The following RAD54B variants were observed in gnomAD, a reference collection of about 807,000 sequenced individuals.
RAD54B encodes the protein DNA repair and recombination protein RAD54B.
A neutral mutation model predicts 95.8 loss-of-function variants in RAD54B; 78 were observed. That is an observed-to-expected ratio of 0.81 (90% confidence interval 0.68 to 0.98). The LOEUF (loss-of-function observed/expected upper bound fraction) is 0.98. Among genes scored for constraint, RAD54B ranks in the 50% least tolerant of loss-of-function variants. The probability of loss-of-function intolerance (pLI) is 0.00; values close to 1 mark genes in which losing one functional copy is unlikely to be tolerated. For missense variants in RAD54B, 957 were observed against 1,056.6 expected (o/e 0.91, Z 1.31); for synonymous variants, 328 against 354.9 (o/e 0.92, Z 0.85).
At chr8:94,416,255 C>T (rs2130054556) in intron 3 of RAD54B, among the ~76,000 whole-genome samples, 2 of 151,558 alleles carry the variant, frequency 1.3e-5, no homozygotes, top group South Asian at 4.2e-4. Flanking sequence ...TCTCAGTAAA[C>T]TATCACAAGG....
At chr8:94,443,670 C>A (rs1057401463) in intron 3 of RAD54B, among the ~76,000 whole-genome samples, 2 of 151,924 alleles carry the variant, frequency 1.3e-5, no homozygotes, top group African/African-American at 4.8e-5. Context: ...AAAAATGTAA[C>A]CATTTGTCTC....
intron 6 of RAD54B, among the ~76,000 whole-genome samples, chr8:94,401,944 T>G (rs928566088): frequency 6.6e-6 from 1 of 152,114 alleles, no homozygotes; most frequent in Non-Finnish European, 1.5e-5. Flanking sequence ...TTGTAAAGGG[T>G]AAATAATTAC....
intron 14 of RAD54B, 119 bp from the exon 15 acceptor site, chr8:94,372,506 C>A: frequency 6.9e-7 from 1 of 1,451,586 alleles, no homozygotes. Context: ...CACCATGGTT[C>A]AAGTTAAAAC....
chr8:94,385,054 G>A (rs1810837311), intron 11 of RAD54B, among the ~76,000 whole-genome samples: 2 of 152,062 alleles, frequency 1.3e-5, no homozygotes, highest in Non-Finnish European at 2.9e-5. Flanking sequence ...AGTGGGCTGA[G>A]GTCACACCAC....
chr8:94,417,480 TAAA>T (rs34766725), intron 3 of RAD54B, among the ~76,000 whole-genome samples: 2 of 140,910 alleles, frequency 1.4e-5, no homozygotes, highest in East Asian at 2.0e-4. Context: ...TGACTAAAAT[TAAA>T]AAAAAAAAAA....
At chr8:94,474,647 G>T (rs1220613420) in intron 1 of RAD54B, among the ~76,000 whole-genome samples, 1 of 152,166 alleles carries the variant, frequency 6.6e-6, no homozygotes, top group Non-Finnish European at 1.5e-5. Context: ...TGGCCCTGGG[G>T]AAGGAAATTC....
intron 3 of RAD54B, chr8:94,431,183 A>T: frequency 1.1e-6 from 1 of 917,278 alleles, no homozygotes. Flanking sequence ...ATACTAAAAT[A>T]ACAATACTTA....
intron 3 of RAD54B, among the ~76,000 whole-genome samples, chr8:94,438,092 T>C (rs1422967877): frequency 6.6e-6 from 1 of 152,202 alleles, no homozygotes; most frequent in Non-Finnish European, 1.5e-5. Flanking sequence ...CCAGGCACTG[T>C]GCAAGACCCA....
intron 1 of RAD54B, among the ~76,000 whole-genome samples, chr8:94,472,018 C>G (rs879520113): frequency 5.3e-5 from 8 of 152,022 alleles, no homozygotes; most frequent in Non-Finnish European, 1.2e-4. Flanking sequence ...CCAATTTCAT[C>G]AATGTTAAAA....
intron 5 of RAD54B, among the ~76,000 whole-genome samples, chr8:94,407,031 TAC>T (rs935186537): frequency 6.6e-6 from 1 of 152,190 alleles, no homozygotes; most frequent in Non-Finnish European, 1.5e-5. Flanking sequence ...TCAATATTTT[TAC>T]ACACTAATGC....
intron 11 of RAD54B, among the ~76,000 whole-genome samples, chr8:94,382,169 A>G (rs975117292): frequency 1.3e-5 from 2 of 152,012 alleles, no homozygotes; most frequent in African/African-American, 4.8e-5. Context: ...TGGAGTCTTC[A>G]GATAAAAAGG....
chr8:94,374,629 A>G (rs930638194), intron 14 of RAD54B, among the ~76,000 whole-genome samples: 1 of 152,164 alleles, frequency 6.6e-6, no homozygotes. Context: ...AAACTAGTGT[A>G]ATATGTTAAG....
In RAD54B at chr8:94,461,333, C is replaced by T. The variant is rs965566242; in HGVS notation, c.136-2897G>A. Among the ~76,000 whole-genome samples the T allele has an allele frequency of 4.6e-5, 7 of 151,256 alleles. No homozygotes were observed. In the South Asian group the frequency reaches 8.4e-4, roughly 18 times the overall value. On this transcript the variant is annotated intron_variant, in intron 2 of 14. Coordinates refer to ENST00000336148, the MANE Select transcript of RAD54B (RefSeq NM_012415.3). ...GATTACAGGCATGCACCACCACACC[C>T]GGCTAATTTTGTATTTTTAGTAGAG...
intron 9 of RAD54B, 110 bp from the exon 10 acceptor site, chr8:94,392,009 A>G (rs1413555593): frequency 9.7e-7 from 1 of 1,034,810 alleles, no homozygotes; most frequent in Non-Finnish European, 1.4e-6. Flanking sequence ...TTCCCAACAA[A>G]TTTTAAAAGA....
At chr8:94,468,688 G>A (rs1284065988) in intron 1 of RAD54B, among the ~76,000 whole-genome samples, 1 of 151,994 alleles carries the variant, frequency 6.6e-6, no homozygotes, top group Non-Finnish European at 1.5e-5. Context: ...AATTAGCCAG[G>A]AGTGGTGGCG....
chr8:94,461,162 T>TTTTTTA (rs1812892610), intron 2 of RAD54B, among the ~76,000 whole-genome samples: 1 of 62,362 alleles, frequency 1.6e-5, no homozygotes, highest in Non-Finnish European at 3.3e-5. Flanking sequence ...ATACTCATCT[T>TTTTTTA]TTTTTTTTTT....
At chr8:94,393,003 T>A (rs939540318) in intron 9 of RAD54B, among the ~76,000 whole-genome samples, 9 of 151,000 alleles carry the variant, frequency 6.0e-5, no homozygotes, top group African/African-American at 2.0e-4. Flanking sequence ...TTTGTATTTT[T>A]AGTAGAGACG....
chr8:94,385,367 T>TAAAAA (rs537566769), intron 11 of RAD54B, among the ~76,000 whole-genome samples: 1 of 141,918 alleles, frequency 7.0e-6, no homozygotes, highest in Non-Finnish European at 1.5e-5. Context: ...AAAGTCCAGT[T>TAAAAA]AAAAAAAAAA....
In RAD54B at chr8:94,400,452, C is replaced by A. The variant is rs148896143; in HGVS notation, c.956G>T (p.Arg319Ile). ...ECVMGMRMNG[R>I]CGAILADEMG... ...TTCATCAGCAAGAATAGCTCCACATCTGCCATTCATTCTGTTAGAAATAAT... is the reference window on the plus strand; with the variant it reads ...TTCATCAGCAAGAATAGCTCCACATATGCCATTCATTCTGTTAGAAATAAT... The change falls in exon 7 of 15, where the codon AGA becomes ATA. Residue 319 changes from arginine to isoleucine, a missense_variant. By Grantham distance (97) the Arg-to-Ile change is moderately conservative (BLOSUM62 -3). Transcript: ENST00000336148. The A allele has an allele frequency of 2.9e-5, 47 of 1,606,696 alleles. No homozygotes were observed. The Admixed American group carries it at 7.9e-4, about 27-fold the overall frequency.
Sources: allele counts gnomAD v4.1 joint callset (sites outside exome capture counted in the v4.1 genomes callset), GRCh38; gene constraint gnomAD v4.1.1; transcripts MANE v1.5; gene names NCBI Gene and HGNC (gene_info 2026-07-23, HGNC 2026-07-21).